The following SLC15A2 variants were observed in gnomAD, a reference collection of about 807,000 sequenced individuals.
SLC15A2 encodes the protein solute carrier family 15 member 2, also known as kidney H(+)/peptide cotransporter.
SLC15A2 carries 77 observed loss-of-function variants against 95.5 expected under a neutral mutation model. The ratio of observed to expected loss-of-function variants is 0.81; its 90% CI spans 0.67 to 0.97. The LOEUF (loss-of-function observed/expected upper bound fraction) is 0.97. Ranked by LOEUF, SLC15A2 falls within the 50% of genes least tolerant of loss-of-function variation. The pLI is 0.00. For synonymous variants in SLC15A2, 306 were observed against 306.9 expected (o/e 1.00, Z 0.03); for missense variants, 893 against 874.4 (o/e 1.02, Z -0.27).
chr3:121,928,244 T>G (rs1710160657), intron 14 of SLC15A2, 177 bp from the exon 15 acceptor site: 1 of 675,542 alleles, frequency 1.5e-6, no homozygotes. Context: ...TACAATGAGC[T>G]GATGTTTCCC....
intron 19 of SLC15A2, among the ~76,000 whole-genome samples, chr3:121,937,383 C>G (rs1710368196): frequency 1.8e-5 from 2 of 114,096 alleles, no homozygotes; most frequent in South Asian, 3.5e-4. Context: ...TCCATTCTCC[C>G]CATCACTTTC....
At position 121,901,180 on chromosome 3, in the gene SLC15A2, G is replaced by A. The variant is rs1048768922; in HGVS notation, c.335+3651G>A. Among the ~76,000 whole-genome samples, 11 of 151,880 alleles carry A rather than the reference G, an allele frequency of 7.2e-5. No homozygotes were observed. In the East Asian group the frequency reaches 9.7e-4, roughly 13 times the overall value. ...ATTATATGCATGTACCACCATGCCC[G>A]GCTAATTTTTGTATTTTTAGTAGAG... On this transcript the variant is annotated intron_variant, in intron 3 of 21. Coordinates refer to ENST00000489711, the MANE Select transcript of SLC15A2 (RefSeq NM_021082.4).
intron 3 of SLC15A2, among the ~76,000 whole-genome samples, chr3:121,910,332 G>A (rs980489923): frequency 4.6e-5 from 7 of 152,044 alleles, no homozygotes; most frequent in African/African-American, 1.7e-4. Flanking sequence ...CGCTAGCTGG[G>A]ATTATAGGTG....
intron 19 of SLC15A2, among the ~76,000 whole-genome samples, chr3:121,933,801 C>T (rs1710282063): frequency 6.7e-6 from 1 of 148,362 alleles, no homozygotes; most frequent in Non-Finnish European, 1.5e-5. Context: ...CTTTTGTTGC[C>T]ATTGCTTTTG....
intron 19 of SLC15A2, among the ~76,000 whole-genome samples, chr3:121,938,951 T>C (rs1260423007): frequency 6.6e-6 from 1 of 152,220 alleles, no homozygotes; most frequent in Non-Finnish European, 1.5e-5. Flanking sequence ...GCCTGAGAAG[T>C]ATAATCTCTG....
At chr3:121,923,702 G>A (rs1484699428) in intron 11 of SLC15A2, among the ~76,000 whole-genome samples, 5 of 152,098 alleles carry the variant, frequency 3.3e-5, no homozygotes, top group African/African-American at 1.2e-4. Context: ...GAATGAGAAG[G>A]TTATACGTAT....
rs529693887 is a variant in SLC15A2, at chr3:121,942,241, T to C, written c.*1234T>C. The C allele has an allele frequency of 6.6e-5, 10 of 152,252 alleles. No individual in the cohort carries two copies. The East Asian group carries it at 9.6e-4, about 15-fold the overall frequency. The allele number at this position is 152,252 out of a possible 1,614,324, so 9.4% of individuals were successfully genotyped here. ...CATGAGGGTTTTGTTTGTGTATGTG[T>C]ATGGTCATGAAAAAAAATTGAGAAA... On this transcript the variant is annotated 3_prime_UTR_variant, in exon 22 of 22. Transcript: ENST00000489711.
rs771590932 is a variant in SLC15A2, at chr3:121,911,594, T to G, written c.356T>G (p.Leu119Trp). 1 of 1,613,904 alleles carries G rather than the reference T, an allele frequency of 6.2e-7. No homozygotes were observed. Among genetic ancestry groups the G allele is most frequent in the East Asian group, 2.2e-5 (1 of 44,874 alleles). Reference sequence around the variant, plus strand: ...AACAGGACAATCATCTATCTCTCCTTGGTGTATGTGCTTGGCCATGTGATC... The same window carrying G: ...AACAGGACAATCATCTATCTCTCCTGGGTGTATGTGCTTGGCCATGTGATC... Reference protein sequence around the residue: ...GKFKTIIYLSLVYVLGHVIKS... With the variant: ...GKFKTIIYLSWVYVLGHVIKS... Residue 119 changes from leucine (L) to tryptophan (W), a missense_variant, in exon 4 of 22, where the codon TTG (leucine) becomes TGG (tryptophan). Transcript: ENST00000489711.
At chr3:121,905,667 T>C (rs1464369953) in intron 3 of SLC15A2, among the ~76,000 whole-genome samples, 1 of 152,208 alleles carries the variant, frequency 6.6e-6, no homozygotes, top group Non-Finnish European at 1.5e-5. Context: ...TTTGAGTGAG[T>C]TTCTTAATCC....
chr3:121,903,430 C>T (rs886136799), intron 3 of SLC15A2, among the ~76,000 whole-genome samples: 2 of 152,166 alleles, frequency 1.3e-5, no homozygotes, highest in African/African-American at 2.4e-5. Context: ...TTGCCCATGC[C>T]TATGTCCTGA....
At chr3:121,894,838 TG>T (rs1409842123) in intron 1 of SLC15A2, among the ~76,000 whole-genome samples, 5 of 152,186 alleles carry the variant, frequency 3.3e-5, no homozygotes, top group African/African-American at 9.7e-5. Context: ...TCTGTTTCCC[TG>T]GGGGAAAAAA....
At chr3:121,921,366 G>T (rs1710001699) in intron 7 of SLC15A2, among the ~76,000 whole-genome samples, 1 of 152,170 alleles carries the variant, frequency 6.6e-6, no homozygotes, top group Non-Finnish European at 1.5e-5. Flanking sequence ...GCATTATAAG[G>T]ATTAAATACA....
At chr3:121,905,015 C>T (rs1302137750) in intron 3 of SLC15A2, among the ~76,000 whole-genome samples, 3 of 152,182 alleles carry the variant, frequency 2.0e-5, no homozygotes, top group Non-Finnish European at 4.4e-5. Context: ...TAATTATTGC[C>T]TCAGTTTCAG....
Position 121,922,873 on chromosome 3 carries a change from AT to A in SLC15A2, c.867+13del, listed in dbSNP as rs1347701400. On this transcript the variant is annotated intron_variant, in intron 9 of 21. Coordinates refer to ENST00000489711, the MANE Select transcript of SLC15A2 (RefSeq NM_021082.4). ...CTGAGAAATATCCAGTAAGTTGGAA[AT>A]GCAGAAACATCTTATGGCTTGATAG... is the stretch of plus-strand genomic sequence containing the variant. 2 of 1,607,112 alleles carry A rather than the reference AT, an allele frequency of 1.2e-6. No individual in the cohort carries two copies. The highest frequency in any genetic ancestry group is 1.7e-6 in the Non-Finnish European group (2 of 1,173,820).
In SLC15A2 at chr3:121,896,366, A is replaced by G. The variant is rs1391115973; in HGVS notation, c.106-40A>G. ...GAAATCTAATTGTTGAAACAGGGAA[A>G]AACAGCTCATGCTTGAATCATTGCC... On this transcript the variant is annotated intron_variant, in intron 1 of 21. Coordinates refer to ENST00000489711, the MANE Select transcript of SLC15A2 (RefSeq NM_021082.4). The G allele has an allele frequency of 2.7e-6, 4 of 1,502,498 alleles. 1 individual carries two copies. In the South Asian group the frequency reaches 4.5e-5, roughly 17 times the overall value. 93.1% of individuals were successfully genotyped at this position (1,502,498 alleles called of 1,614,324 possible).
intron 19 of SLC15A2, among the ~76,000 whole-genome samples, chr3:121,933,206 A>G (rs1281943456): frequency 1.3e-5 from 2 of 148,346 alleles, no homozygotes; most frequent in Non-Finnish European, 3.0e-5. Flanking sequence ...ATTGTGAATA[A>G]TGCCGCAATA....
At chr3:121,929,258 T>A in intron 16 of SLC15A2, 44 bp from the exon 17 acceptor site, 1 of 1,610,624 alleles carries the variant, frequency 6.2e-7, no homozygotes, top group Non-Finnish European at 8.5e-7. Flanking sequence ...AGTATAGGTC[T>A]TATTTCATCA....
At chr3:121,939,745 C>T (rs1354776771) in intron 20 of SLC15A2, among the ~76,000 whole-genome samples, 5 of 151,972 alleles carry the variant, frequency 3.3e-5, no homozygotes, top group East Asian at 1.9e-4. Context: ...TCAGACTTCC[C>T]GTGTTCAAAT....
intron 19 of SLC15A2, among the ~76,000 whole-genome samples, chr3:121,936,444 T>C (rs897040984): frequency 6.6e-6 from 1 of 152,198 alleles, no homozygotes; most frequent in African/African-American, 2.4e-5. Flanking sequence ...TGACTCTGGG[T>C]GCTCCTGTAT....
Sources: allele counts gnomAD v4.1 joint callset (sites outside exome capture counted in the v4.1 genomes callset), GRCh38; gene constraint gnomAD v4.1.1; transcripts MANE v1.5; gene names NCBI Gene and HGNC (gene_info 2026-07-23, HGNC 2026-07-21).